Variants in PARM1 observed in about 807,000 individuals in gnomAD.
The protein encoded by PARM1 is WSC4, cell wall integrity and stress response component 4 homolog.
PARM1 carries 14 observed loss-of-function variants against 24.6 expected under a neutral mutation model. The observed-to-expected ratio is 0.57, with a 90% confidence interval of 0.38 to 0.89. The LOEUF (loss-of-function observed/expected upper bound fraction) is 0.89, where lower values mean the gene tolerates loss of function less well. PARM1 is among the 40% of genes least tolerant of loss of function. The pLI is 0.00. For missense variants in PARM1, 362 were observed against 380.4 expected (o/e 0.95, Z 0.40); for synonymous variants, 179 against 156.6 (o/e 1.14, Z -1.07).
chr4:74,947,420 A>G (rs1488025680), intron 1 of PARM1, among the ~76,000 whole-genome samples: 1 of 152,218 alleles, frequency 6.6e-6, no homozygotes, highest in Non-Finnish European at 1.5e-5. Context: ...TAAACTAGAA[A>G]GAGACTTAAG....
Position 75,013,066 on chromosome 4 carries a change from G to C in PARM1, c.685G>C (p.Val229Leu), listed in dbSNP as rs750906461. The part of the protein sequence containing the change: ...KTPPTTVSGK[V>L]MCELIDMETT... Reference sequence around the variant, plus strand: ...ACCCCCAACAACTGTGTCAGGCAAAGTGATGTGTGAGCTCATAGACATGGA... The same window carrying C: ...ACCCCCAACAACTGTGTCAGGCAAACTGATGTGTGAGCTCATAGACATGGA... Residue 229 changes from valine to leucine, a missense_variant, in exon 2 of 4, where the codon GTG (valine) becomes CTG (leucine). Physicochemically the swap from Val to Leu is conservative, Grantham distance 32. Transcript: ENST00000307428. 2.5e-6 allele frequency: 4 copies of C among 1,614,046 alleles called. No homozygotes were observed. In the South Asian group the frequency reaches 4.4e-5, roughly 18 times the overall value.
rs1306485291 is a variant in PARM1, at chr4:75,047,325, A to G, written c.*1078A>G. On this transcript the variant is annotated 3_prime_UTR_variant, in exon 4 of 4. Transcript: ENST00000307428. Reference sequence around the variant, plus strand: ...GCACTAGTCTATCTGCAATTACTCAACGAGGCATTTTCATAGGAAACAGAC... The same window carrying G: ...GCACTAGTCTATCTGCAATTACTCAGCGAGGCATTTTCATAGGAAACAGAC... 1 of 152,264 alleles carries G rather than the reference A, an allele frequency of 6.6e-6. No homozygotes were observed. Among genetic ancestry groups the G allele is most frequent in the Non-Finnish European group, 1.5e-5 (1 of 68,048 alleles). The allele number at this position is 152,264 out of a possible 1,614,324, so 9.4% of individuals were successfully genotyped here.
chr4:75,037,236 T>G (rs1189088008), intron 3 of PARM1, among the ~76,000 whole-genome samples: 2 of 152,236 alleles, frequency 1.3e-5, no homozygotes, highest in Admixed American at 1.3e-4. Context: ...ATCTGTTTTC[T>G]GTGGTCTTTT....
At chr4:74,949,250 G>GA (rs981253902) in intron 1 of PARM1, among the ~76,000 whole-genome samples, 11 of 152,126 alleles carry the variant, frequency 7.2e-5, no homozygotes, top group East Asian at 3.9e-4. Flanking sequence ...TTTCCTCTGA[G>GA]AAAAAATGCA....
intron 1 of PARM1, among the ~76,000 whole-genome samples, chr4:74,972,213 G>A (rs1306192832): frequency 6.6e-6 from 1 of 152,182 alleles, no homozygotes; most frequent in Non-Finnish European, 1.5e-5. Flanking sequence ...GGGCCACATG[G>A]CTCTGGGATT....
intron 1 of PARM1, among the ~76,000 whole-genome samples, chr4:74,964,846 A>T (rs1721866038): frequency 6.6e-6 from 1 of 152,202 alleles, no homozygotes; most frequent in Non-Finnish European, 1.5e-5. Flanking sequence ...TTTTTTGTTA[A>T]GTGAGTAAAT....
rs1016769113 is a variant in PARM1 at position 75,013,265 on chromosome 4, A to T, written c.769+115A>T. On this transcript the variant is annotated intron_variant, in intron 2 of 3. Transcript: ENST00000307428. ...ATTTTGGAGTGTAACACCTAAGTTG[A>T]ATTATAATTCACAAGAATTTCCACG... The T allele has an allele frequency of 1.2e-5, 13 of 1,080,190 alleles. 1 individual carries two copies. The highest frequency in any genetic ancestry group is 1.7e-5 in the Non-Finnish European group (13 of 757,672). The allele number at this position is 1,080,190 out of a possible 1,614,324, so 66.9% of individuals were successfully genotyped here.
intron 3 of PARM1, among the ~76,000 whole-genome samples, chr4:75,038,573 A>G (rs1723415271): frequency 6.6e-6 from 1 of 152,178 alleles, no homozygotes; most frequent in African/African-American, 2.4e-5. Context: ...GAATATTGAT[A>G]TGGCGGTCTT....
chr4:75,012,901 A>G lies in PARM1; in HGVS notation c.520A>G (p.Thr174Ala), dbSNP rs761700237. ...ACCTGAGGTCTTTTCTGCCTCCGTT[A>G]CTACCAACCATAGCTCCACTGTGAC... is the stretch of plus-strand genomic sequence containing the variant. ...SPPEVFSASV[T>A]TNHSSTVTST... Residue 174 changes from threonine (T) to alanine (A), a missense_variant, in exon 2 of 4, where the codon ACT becomes GCT. By Grantham distance (58) the Thr-to-Ala change is moderately conservative. Coordinates refer to ENST00000307428, the MANE Select transcript of PARM1 (RefSeq NM_015393.4). The G allele has an allele frequency of 3.1e-6, 5 of 1,613,892 alleles. No individual in the cohort carries two copies. The highest frequency in any genetic ancestry group is 1.6e-4 in the Middle Eastern group (1 of 6,062).
At chr4:75,008,849 G>A (rs776344660) in intron 1 of PARM1, among the ~76,000 whole-genome samples, 2 of 151,946 alleles carry the variant, frequency 1.3e-5, no homozygotes, top group African/African-American at 4.8e-5. Flanking sequence ...TCTTTGACTC[G>A]ACTAACAGAC....
intron 1 of PARM1, among the ~76,000 whole-genome samples, chr4:74,936,438 G>GTTT (rs33956924): frequency 3.5e-4 from 11 of 31,872 alleles, no homozygotes; most frequent in South Asian, 5.3e-3. Context: ...ACATTCAAGT[G>GTTT]TTTTTTTTTT....
chr4:74,976,200 T>C (rs1440567512), intron 1 of PARM1, among the ~76,000 whole-genome samples: 1 of 152,208 alleles, frequency 6.6e-6, no homozygotes, highest in African/African-American at 2.4e-5. Flanking sequence ...CTCCCTAAGA[T>C]GACCAGGTTC....
chr4:74,995,088 A>G (rs1722552270), intron 1 of PARM1, among the ~76,000 whole-genome samples: 1 of 152,206 alleles, frequency 6.6e-6, no homozygotes, highest in Non-Finnish European at 1.5e-5. Flanking sequence ...CCTGGGATAT[A>G]ACTGTAAAGT....
chr4:74,938,283 A>T (rs1349307352), intron 1 of PARM1, among the ~76,000 whole-genome samples: 4 of 152,214 alleles, frequency 2.6e-5, no homozygotes, highest in Non-Finnish European at 5.9e-5. Context: ...CACCGGAAGC[A>T]ATGGACAGCA....
intron 3 of PARM1, among the ~76,000 whole-genome samples, chr4:75,039,174 A>C (rs1354331081): frequency 6.6e-6 from 1 of 152,114 alleles, no homozygotes; most frequent in Non-Finnish European, 1.5e-5. Flanking sequence ...TGTTTACTCA[A>C]TTTTCTCCCT....
chr4:74,994,812 A>ATAAG (rs1285206085), intron 1 of PARM1, among the ~76,000 whole-genome samples: 2 of 151,224 alleles, frequency 1.3e-5, no homozygotes, highest in East Asian at 3.9e-4. Flanking sequence ...AAATAAATAA[A>ATAAG]TAAATAAATA....
intron 1 of PARM1, among the ~76,000 whole-genome samples, chr4:74,945,476 C>A (rs1721395829): frequency 6.6e-6 from 1 of 152,096 alleles, no homozygotes; most frequent in Non-Finnish European, 1.5e-5. Context: ...AAGCAAATAA[C>A]CTCAACAATG....
chr4:74,971,180 G>C (rs1486374377), intron 1 of PARM1, among the ~76,000 whole-genome samples: 1 of 152,184 alleles, frequency 6.6e-6, no homozygotes, highest in Non-Finnish European at 1.5e-5. Context: ...GTTCCACATG[G>C]CTAGGGAGGC....
intron 1 of PARM1, among the ~76,000 whole-genome samples, chr4:74,945,452 A>G (rs1049250513): frequency 6.6e-5 from 10 of 152,216 alleles, no homozygotes; most frequent in African/African-American, 2.2e-4. Flanking sequence ...GCCCTCGAAA[A>G]TAAGATTTTA....
Sources: gnomAD v4.1 joint callset for allele counts (sites outside exome capture counted in the v4.1 genomes callset) on GRCh38, gnomAD v4.1.1 for gene constraint, MANE v1.5 for transcripts, NCBI Gene and HGNC (gene_info 2026-07-23, HGNC 2026-07-21) for gene names.